Variants in DNAH6 observed in about 807,000 individuals in gnomAD.
The protein encoded by DNAH6 is dynein axonemal heavy chain 6, also known as axonemal beta dynein heavy chain 6.
Under a neutral mutation model 491.4 loss-of-function variants are expected in DNAH6, and 340 were observed. That is an observed-to-expected ratio of 0.69 (90% CI 0.63 to 0.76). The LOEUF is 0.76. Among genes scored for constraint, DNAH6 ranks in the 30% least tolerant of loss-of-function variants. The pLI is 0.00. For synonymous variants in DNAH6, 1,603 were observed against 1,686.1 expected (o/e 0.95, Z 1.21); for missense variants, 4,443 against 4,972.2 (o/e 0.89, Z 3.20).
chr2:84,669,703 C>T (rs978626805), intron 38 of DNAH6, among the ~76,000 whole-genome samples, 193 bp downstream of exon 38: 1 of 152,206 alleles, frequency 6.6e-6, no homozygotes, highest in African/African-American at 2.4e-5. Flanking sequence ...TTTCTGAACA[C>T]ATTCTTGGAG....
In DNAH6 at chr2:84,699,716, C is replaced by A; in HGVS notation, c.7800C>A (p.Thr2600=). Residue 2600 remains threonine (T), a synonymous_variant, in exon 48 of 77, where the codon ACC becomes ACA. Coordinates refer to ENST00000389394, the MANE Select transcript of DNAH6 (RefSeq NM_001370.2). Reference sequence around the variant, plus strand: ...TTCCATCCCTTGTGAATTGCTGCACCATTGACTGGTTTGTGCAGGTTGGTG... The same window carrying A: ...TTCCATCCCTTGTGAATTGCTGCACAATTGACTGGTTTGTGCAGGTTGGTG... ...RMFPSLVNCC[T]IDWFVQWPRE... 6.4e-7 allele frequency: 1 copy of A among 1,551,494 alleles called. No individual in the cohort carries two copies. Among genetic ancestry groups the A allele is most frequent in the South Asian group, 1.2e-5 (1 of 83,984 alleles).
At chr2:84,621,669 G>C (rs900767434) in intron 26 of DNAH6, 118 bp downstream of exon 26, 1 of 569,564 alleles carries the variant, frequency 1.8e-6, no homozygotes, top group African/African-American at 1.9e-5. Flanking sequence ...TCTGACATTT[G>C]TAATAGCTCT....
chr2:84,770,989 C>CAA (rs576040557), intron 64 of DNAH6, among the ~76,000 whole-genome samples: 1 of 127,056 alleles, frequency 7.9e-6, no homozygotes, highest in Admixed American at 8.2e-5. Flanking sequence ...GATCCTCTGT[C>CAA]AAAAAAAAAA....
intron 10 of DNAH6, among the ~76,000 whole-genome samples, chr2:84,553,679 A>G (rs1456651097): frequency 8.5e-6 from 1 of 117,132 alleles, no homozygotes; most frequent in Admixed American, 1.3e-4. Flanking sequence ...CATGGTGGCC[A>G]GGCAGGTCTT....
At chr2:84,684,617 T>C (rs1001540027) in intron 42 of DNAH6, among the ~76,000 whole-genome samples, 4 of 152,200 alleles carry the variant, frequency 2.6e-5, no homozygotes, top group Non-Finnish European at 5.9e-5. Flanking sequence ...CAAAGCAACA[T>C]GAGCAGTACC....
At chr2:84,683,973 C>T (rs185663156) in intron 42 of DNAH6, among the ~76,000 whole-genome samples, 169 of 152,276 alleles carry the variant, frequency 1.1e-3, no homozygotes, top group Non-Finnish European at 1.9e-3. Flanking sequence ...CCTGCAGACC[C>T]CTCCTGCTTC....
chr2:84,513,477 T>C (rs182751395), upstream of DNAH6, among the ~76,000 whole-genome samples: 1 of 152,322 alleles, frequency 6.6e-6, no homozygotes, highest in East Asian at 1.9e-4. Context: ...TTCCTTACTC[T>C]ACCATTTTTG....
intron 42 of DNAH6, 52 bp from the exon 43 acceptor site, chr2:84,685,274 A>G: frequency 2.3e-6 from 3 of 1,307,846 alleles, no homozygotes; most frequent in Non-Finnish European, 3.0e-6. Context: ...ATTACTGGAG[A>G]TTCTACAAAT....
chr2:84,635,031 G>C (rs530502033), intron 30 of DNAH6, among the ~76,000 whole-genome samples: 3 of 152,236 alleles, frequency 2.0e-5, no homozygotes, highest in South Asian at 4.1e-4. Context: ...TCCAAGCCCT[G>C]TGAGGGCCCC....
At chr2:84,700,148 T>C (rs1695760786) in intron 48 of DNAH6, among the ~76,000 whole-genome samples, 1 of 152,190 alleles carries the variant, frequency 6.6e-6, no homozygotes, top group Non-Finnish European at 1.5e-5. Context: ...ACAAGCGGCA[T>C]GCATGTGTGC....
Position 84,570,289 on chromosome 2 carries a change from A to T in DNAH6, c.1804-3178A>T, listed in dbSNP as rs140371526. Among the ~76,000 whole-genome samples the T allele has an allele frequency of 3.7e-4, 56 of 152,276 alleles. No homozygotes were observed. The East Asian group carries it at 0.01, about 28-fold the overall frequency. ...CCTGGGTTGAGTGGGGACTTGGGGA[A>T]CTTTTTTGTCTAGCTAGAGGATTGT... On this transcript the variant is annotated intron_variant, in intron 11 of 76. Coordinates refer to ENST00000389394, the MANE Select transcript of DNAH6 (RefSeq NM_001370.2).
At position 84,659,009 on chromosome 2, in the gene DNAH6, T is replaced by A. The variant is rs1691233488; in HGVS notation, c.5941-17T>A. On this transcript the variant is annotated splice_polypyrimidine_tract_variant and intron_variant, in intron 36 of 76. Coordinates refer to ENST00000389394, the MANE Select transcript of DNAH6 (RefSeq NM_001370.2). Reference sequence around the variant, plus strand: ...TCATATATAAAATATTAAGTCTGTTTCTCTTTATTCTTTCAGGAACAAACA... The same window carrying A: ...TCATATATAAAATATTAAGTCTGTTACTCTTTATTCTTTCAGGAACAAACA... The A allele has an allele frequency of 7.5e-7, 1 of 1,334,170 alleles. No homozygotes were observed. Among genetic ancestry groups the A allele is most frequent in the Admixed American group, 2.5e-5 (1 of 39,468 alleles). 82.6% of individuals were successfully genotyped at this position (1,334,170 alleles called of 1,614,324 possible).
At chr2:84,684,127 T>C (rs1558905777) in intron 42 of DNAH6, among the ~76,000 whole-genome samples, 1 of 152,166 alleles carries the variant, frequency 6.6e-6, no homozygotes, top group Non-Finnish European at 1.5e-5. Flanking sequence ...GATGACAAAA[T>C]AATTTGTTTT....
rs553553635 is a variant in DNAH6 at position 84,612,868 on chromosome 2, A to G, written c.3475+1014A>G. ...CACAGGTTTGGGGGATTAGGACATG[A>G]ACATCTCTAGGGGGCCATTATTCTG... On this transcript the variant is annotated intron_variant, in intron 22 of 76. Coordinates refer to ENST00000389394, the MANE Select transcript of DNAH6 (RefSeq NM_001370.2). Among the ~76,000 whole-genome samples, 7 of 152,178 alleles carry G rather than the reference A, an allele frequency of 4.6e-5. No individual in the cohort carries two copies. In the South Asian group the frequency reaches 6.2e-4, roughly 14 times the overall value.
intron 64 of DNAH6, among the ~76,000 whole-genome samples, chr2:84,776,597 A>G (rs1676146726): frequency 6.6e-6 from 1 of 152,184 alleles, no homozygotes; most frequent in Admixed American, 6.5e-5. Context: ...TCCTTGAGGA[A>G]TCTCCACACT....
At position 84,635,307 on chromosome 2, in the gene DNAH6, T is replaced by A. The variant is rs182504567; in HGVS notation, c.4653+666T>A. On this transcript the variant is annotated intron_variant, in intron 30 of 76. Coordinates refer to ENST00000389394, the MANE Select transcript of DNAH6 (RefSeq NM_001370.2). ...TTGTGTAAGTCATTATGGTATGTGC[T>A]CACACTTATTTCATCTTACACCAAA... 2.0e-5 allele frequency among the ~76,000 whole-genome samples: 3 copies of A among 152,360 alleles called. No individual in the cohort carries two copies. The East Asian group carries it at 5.8e-4, about 29-fold the overall frequency.
intron 23 of DNAH6, among the ~76,000 whole-genome samples, chr2:84,617,748 G>A (rs138268796): frequency 2.6e-4 from 40 of 152,098 alleles, no homozygotes; most frequent in African/African-American, 7.7e-4. Context: ...AAGAGAGACC[G>A]GTGTTGCCTG....
Position 84,547,274 on chromosome 2 carries a change from C to A in DNAH6, c.937C>A (p.Arg313=). 1 of 1,533,104 alleles carries A rather than the reference C, an allele frequency of 6.5e-7. No homozygotes were observed. The highest frequency in any genetic ancestry group is 8.8e-7 in the Non-Finnish European group (1 of 1,139,570). 95.0% of individuals were successfully genotyped at this position (1,533,104 alleles called of 1,614,324 possible). Residue 313 remains arginine (R), a synonymous_variant, in exon 6 of 77, where the codon CGA becomes AGA. Transcript: ENST00000389394. The part of the protein sequence containing the change: ...KNLFIVNPHL[R]PALLKINELC... ...AATTCCTATTTTCATTCAGCATTTG[C>A]GACCAGCTCTTCTTAAAATAAATGA...
At chr2:84,663,365 T>C (rs1444832302) in intron 37 of DNAH6, among the ~76,000 whole-genome samples, 1 of 152,052 alleles carries the variant, frequency 6.6e-6, no homozygotes, top group African/African-American at 2.4e-5. Context: ...ATTAGACAAA[T>C]GACTGACTAG....
Sources: allele counts gnomAD v4.1 joint callset (sites outside exome capture counted in the v4.1 genomes callset), GRCh38; gene constraint gnomAD v4.1.1; transcripts MANE v1.5; gene names NCBI Gene and HGNC (gene_info 2026-07-23, HGNC 2026-07-21).